The following PI15 variants were observed in gnomAD, a reference collection of about 807,000 sequenced individuals.
The protein encoded by PI15 is 25 kDa trypsin inhibitor.
In PI15, 18 loss-of-function variants were observed where a neutral mutation model predicts 31.0. The ratio of observed to expected loss-of-function variants is 0.58; its 90% confidence interval spans 0.40 to 0.86. The LOEUF is 0.86. Among genes scored for constraint, PI15 ranks in the 40% least tolerant of loss-of-function variants. PI15 has a pLI of 0.00. For synonymous variants in PI15, 118 were observed against 119.1 expected (o/e 0.99, Z 0.06); for missense variants, 282 against 328.1 (o/e 0.86, Z 1.09).
intron 2 of PI15, among the ~76,000 whole-genome samples, chr8:74,829,616 A>G (rs1318269014): frequency 6.6e-6 from 1 of 152,160 alleles, no homozygotes; most frequent in Non-Finnish European, 1.5e-5. Context: ...TCCAAAGAAA[A>G]CAAACATTTT....
At chr8:74,834,304 T>C (rs1035742588) in intron 2 of PI15, among the ~76,000 whole-genome samples, 141 of 152,314 alleles carry the variant, frequency 9.3e-4, no homozygotes, top group Middle Eastern at 3.4e-3. Flanking sequence ...AAAGAATTTC[T>C]TCATGTGGAA....
intron 5 of PI15, among the ~76,000 whole-genome samples, chr8:74,846,512 G>T (rs1295720484): frequency 6.6e-6 from 1 of 152,070 alleles, no homozygotes; most frequent in Non-Finnish European, 1.5e-5. Context: ...TACCCAAATA[G>T]TCTAAGAGAT....
At chr8:74,830,455 A>G (rs997259264) in intron 2 of PI15, among the ~76,000 whole-genome samples, 1 of 152,138 alleles carries the variant, frequency 6.6e-6, no homozygotes, top group Non-Finnish European at 1.5e-5. Context: ...AAATCACAGC[A>G]GGTAGTAAAG....
In PI15 at chr8:74,849,325, A is replaced by T. The variant is rs1273819352; in HGVS notation, c.*72A>T. ...CATGTATATATATATATGGAGAGAG[A>T]ATTTTGCACATATTATACATATTTT... On this transcript the variant is annotated 3_prime_UTR_variant, in exon 6 of 6. Coordinates refer to ENST00000260113, the MANE Select transcript of PI15 (RefSeq NM_015886.5). 4.3e-6 allele frequency: 5 copies of T among 1,153,244 alleles called. No homozygotes were observed. Among genetic ancestry groups the T allele is most frequent in the Non-Finnish European group, 2.4e-6 (2 of 822,114 alleles). 71.4% of individuals were successfully genotyped at this position (1,153,244 alleles called of 1,614,324 possible). A position where few individuals can be genotyped will look rare whatever the true frequency, so the allele number is the denominator to read the frequency against.
Position 74,853,706 on chromosome 8 carries a change from C to A in PI15, c.*4453C>A, listed in dbSNP as rs1273029429. 6.6e-6 allele frequency: 1 copy of A among 152,394 alleles called. No homozygotes were observed. Among genetic ancestry groups the A allele is most frequent in the Non-Finnish European group, 1.5e-5 (1 of 67,922 alleles). 9.4% of individuals were successfully genotyped at this position (152,394 alleles called of 1,614,324 possible). On this transcript the variant is annotated 3_prime_UTR_variant, in exon 6 of 6. Coordinates refer to ENST00000260113, the MANE Select transcript of PI15 (RefSeq NM_015886.5). ...TAGAATTATCATATGTTTCCTACATCTGACAGCACCTAAAATGTTTGATAA... is the reference window on the plus strand; with the variant it reads ...TAGAATTATCATATGTTTCCTACATATGACAGCACCTAAAATGTTTGATAA...
At chr8:74,830,312 T>A (rs746244489) in intron 2 of PI15, among the ~76,000 whole-genome samples, 27 of 152,094 alleles carry the variant, frequency 1.8e-4, no homozygotes, top group Non-Finnish European at 3.2e-4. Context: ...GTAATGTAAT[T>A]TTAAGAAGCC....
chr8:74,849,270 A>G lies in PI15; in HGVS notation c.*17A>G. On this transcript the variant is annotated 3_prime_UTR_variant, in exon 6 of 6. Transcript: ENST00000260113. ...TTTAAATAAGTTTACCTTTTCCTCC[A>G]GGAAATATAATGATTTCTGGGAACA... 6.2e-7 allele frequency: 1 copy of G among 1,601,310 alleles called. No homozygotes were observed. The highest frequency in any genetic ancestry group is 8.5e-7 in the Non-Finnish European group (1 of 1,170,586).
At chr8:74,834,932 T>A (rs1810839734) in intron 2 of PI15, among the ~76,000 whole-genome samples, 1 of 152,204 alleles carries the variant, frequency 6.6e-6, no homozygotes, top group Non-Finnish European at 1.5e-5. Context: ...GTAGGTCACA[T>A]AAATGTGTGT....
chr8:74,849,097 C>A, intron 5 of PI15, 21 bp from the exon 6 acceptor site: 2 of 1,606,358 alleles, frequency 1.2e-6, no homozygotes, highest in East Asian at 2.2e-5. Context: ...CTAATGCTAT[C>A]TTTTTTGTTT....
Position 74,845,370 on chromosome 8 carries a change from T to A in PI15, c.526-12T>A, listed in dbSNP as rs1022212936. ...CTGACTTCTGTAACAGTTTATTGGT[T>A]TATTTTCACAGATGGTTTGGGCCAC... is the stretch of plus-strand genomic sequence containing the variant. On this transcript the variant is annotated splice_polypyrimidine_tract_variant and intron_variant, in intron 4 of 5. Coordinates refer to ENST00000260113, the MANE Select transcript of PI15 (RefSeq NM_015886.5). 1.2e-6 allele frequency: 2 copies of A among 1,606,270 alleles called. No individual in the cohort carries two copies. Among genetic ancestry groups the A allele is most frequent in the Admixed American group, 3.3e-5 (2 of 59,996 alleles).
rs575628683 is a variant in PI15, at chr8:74,850,076, A to G, written c.*823A>G. 1.5e-4 allele frequency: 23 copies of G among 152,322 alleles called. No individual in the cohort carries two copies. The highest frequency in any genetic ancestry group is 5.5e-4 in the African/African-American group (23 of 41,564). 9.4% of individuals were successfully genotyped at this position (152,322 alleles called of 1,614,324 possible). ...CAAAAGTATTCAGGAAATAATGCAGACTAGTGATTTTGCTATAAAATTATT... is the reference window on the plus strand; with the variant it reads ...CAAAAGTATTCAGGAAATAATGCAGGCTAGTGATTTTGCTATAAAATTATT... On this transcript the variant is annotated 3_prime_UTR_variant, in exon 6 of 6. Transcript: ENST00000260113.
At chr8:74,840,325 AT>A (rs201904571) in intron 2 of PI15, among the ~76,000 whole-genome samples, 2,242 of 152,132 alleles carry the variant, frequency 0.015, 54 homozygotes, top group African/African-American at 0.051. Context: ...ACTGGGTCTT[AT>A]TTTTTTCTAT....
intron 2 of PI15, among the ~76,000 whole-genome samples, chr8:74,831,761 A>G (rs556170322): frequency 6.6e-6 from 1 of 152,250 alleles, no homozygotes; most frequent in South Asian, 2.1e-4. Flanking sequence ...AATGATTTTA[A>G]ATAGAAAATA....
intron 3 of PI15, chr8:74,844,845 C>A: frequency 2.8e-6 from 1 of 353,890 alleles, no homozygotes; most frequent in South Asian, 6.2e-5. Context: ...TTAAATAAGA[C>A]ATTGATGATT....
intron 5 of PI15, 86 bp from the exon 6 acceptor site, chr8:74,849,020 TCACATGTCAATA>T (rs1451761416): frequency 1.2e-4 from 114 of 990,062 alleles, no homozygotes; most frequent in Non-Finnish European, 1.6e-4. Context: ...AAACGGATCA[TCACATGTCAATA>T]CTTGTGAACA....
chr8:74,833,137 G>A (rs1563565909), intron 2 of PI15, among the ~76,000 whole-genome samples: 3 of 152,004 alleles, frequency 2.0e-5, no homozygotes, highest in Non-Finnish European at 4.4e-5. Context: ...CTAAAAATTA[G>A]TTATTAAAAT....
intron 2 of PI15, among the ~76,000 whole-genome samples, chr8:74,827,763 T>C (rs1269054866): frequency 6.6e-6 from 1 of 152,196 alleles, no homozygotes; most frequent in Non-Finnish European, 1.5e-5. Flanking sequence ...GCTGAAGTCC[T>C]ATAATATCCA....
At chr8:74,826,543 T>C (rs986468459) in intron 2 of PI15, among the ~76,000 whole-genome samples, 3 of 152,082 alleles carry the variant, frequency 2.0e-5, no homozygotes, top group South Asian at 2.1e-4. Flanking sequence ...TCACAGTTCA[T>C]AGAAGTACAA....
At chr8:74,845,353 T>C in intron 4 of PI15, 29 bp from the exon 5 acceptor site, 3 of 1,593,930 alleles carry the variant, frequency 1.9e-6, no homozygotes, top group Non-Finnish European at 2.6e-6. Flanking sequence ...CTCTGACTTC[T>C]GTAACAGTTT....
Sources: gnomAD v4.1 joint callset for allele counts (sites outside exome capture counted in the v4.1 genomes callset) on GRCh38, gnomAD v4.1.1 for gene constraint, MANE v1.5 for transcripts, NCBI Gene and HGNC (gene_info 2026-07-23, HGNC 2026-07-21) for gene names.